FAM177A1: variants seen among roughly 807,000 people sequenced by gnomAD.
FAM177A1 encodes family with sequence similarity 177 member A1.
Under a neutral mutation model 26.1 loss-of-function variants are expected in FAM177A1, and 22 were observed. The ratio of observed to expected loss-of-function variants is 0.84; its 90% CI spans 0.60 to 1.20. The LOEUF (loss-of-function observed/expected upper bound fraction) is 1.20. Ranked by LOEUF, FAM177A1 falls within the 50% of genes most tolerant of loss-of-function variation. The probability of loss-of-function intolerance (pLI) is 0.00; values close to 1 mark genes in which losing one functional copy is unlikely to be tolerated. For missense variants in FAM177A1, 296 were observed against 291.1 expected (o/e 1.02, Z -0.12); for synonymous variants, 95 against 99.3 (o/e 0.96, Z 0.26).
At chr14:35,074,626 C>T (rs913993273) in intron 2 of FAM177A1, among the ~76,000 whole-genome samples, 1 of 151,942 alleles carries the variant, frequency 6.6e-6, no homozygotes, top group Non-Finnish European at 1.5e-5. Context: ...GCGCCCCGCC[C>T]CATCCACTCA....
intron 2 of FAM177A1, among the ~76,000 whole-genome samples, chr14:35,067,425 A>G (rs542086129): frequency 6.6e-6 from 1 of 152,308 alleles, no homozygotes; most frequent in East Asian, 1.9e-4. Context: ...TTATCCATTC[A>G]TCTGATATGG....
chr14:35,078,831 A>G (rs1042904546), intron 3 of FAM177A1, 96 bp from the exon 4 acceptor site: 3 of 752,732 alleles, frequency 4.0e-6, no homozygotes, highest in Admixed American at 7.2e-5. Flanking sequence ...GAGAGCAGGA[A>G]CAGTAACTCT....
intron 2 of FAM177A1, among the ~76,000 whole-genome samples, chr14:35,072,002 C>T (rs767227005): frequency 6.6e-6 from 1 of 151,882 alleles, no homozygotes; most frequent in Non-Finnish European, 1.5e-5. Context: ...GTTGGCTAGG[C>T]GTGGTGGCTC....
chr14:35,050,124 A>G (rs1566665871), intron 1 of FAM177A1: 2 of 152,110 alleles, frequency 1.3e-5, no homozygotes, highest in Non-Finnish European at 2.9e-5. Flanking sequence ...CTCCTGCCTC[A>G]GCCTCCTGTG....
At position 35,081,059 on chromosome 14, in the gene FAM177A1, A is replaced by G. The variant is rs757870533; in HGVS notation, c.542A>G (p.Glu181Gly). The G allele has an allele frequency of 6.2e-7, 1 of 1,612,350 alleles. No individual in the cohort carries two copies. Among genetic ancestry groups the G allele is most frequent in the Non-Finnish European group, 8.5e-7 (1 of 1,179,410 alleles). Residue 181 changes from glutamate (E) to glycine (G), a missense_variant, in exon 5 of 5, where the codon GAA becomes GGA. By Grantham distance (98) the Glu-to-Gly change is moderately conservative (BLOSUM62 -2). Coordinates refer to ENST00000280987, the MANE Select transcript of FAM177A1 (RefSeq NM_173607.5). ...GAAGAAGAAAACAGGATGTCTGAAG[A>G]AGCAGAAAAACAATATCAACAGAAT... ...EEEEENRMSE[E>G]AEKQYQQNKL...
intron 2 of FAM177A1, among the ~76,000 whole-genome samples, chr14:35,075,028 C>G (rs2045374238): frequency 6.6e-6 from 1 of 152,086 alleles, no homozygotes; most frequent in South Asian, 2.1e-4. Context: ...CAGAGTGAGA[C>G]TCTGTCTTAA....
intron 2 of FAM177A1, among the ~76,000 whole-genome samples, chr14:35,060,107 G>A (rs537297133): frequency 6.6e-6 from 1 of 152,218 alleles, no homozygotes; most frequent in East Asian, 1.9e-4. Context: ...TGGAGTAACT[G>A]GGCTTACTGG....
At chr14:35,060,647 G>A (rs1409163948) in intron 2 of FAM177A1, among the ~76,000 whole-genome samples, 1 of 152,066 alleles carries the variant, frequency 6.6e-6, no homozygotes, top group Non-Finnish European at 1.5e-5. Context: ...TGTTCTTTTA[G>A]TGAAGTCTAT....
intron 2 of FAM177A1, among the ~76,000 whole-genome samples, chr14:35,076,609 C>G (rs1484494873): frequency 6.6e-6 from 1 of 151,992 alleles, no homozygotes; most frequent in East Asian, 1.9e-4. Context: ...AAAAAAAAGA[C>G]TTAAAGAAAC....
chr14:35,062,843 GCAAATATAGCAAGTAGCA>G (rs1246246047), intron 2 of FAM177A1, among the ~76,000 whole-genome samples: 7 of 145,106 alleles, frequency 4.8e-5, no homozygotes, highest in Non-Finnish European at 1.1e-4. Context: ...AATTAATAAA[GCAAATATAGCAAGTAGCA>G]CAAGAAATTT....
At chr14:35,049,647 T>G (rs1004370762) in intron 1 of FAM177A1, among the ~76,000 whole-genome samples, 4 of 152,076 alleles carry the variant, frequency 2.6e-5, no homozygotes, top group African/African-American at 9.7e-5. Context: ...TAGCTGGGCA[T>G]TATGGCTCAC....
At chr14:35,060,681 A>C (rs1039199439) in intron 2 of FAM177A1, among the ~76,000 whole-genome samples, 2 of 152,192 alleles carry the variant, frequency 1.3e-5, no homozygotes, top group Non-Finnish European at 2.9e-5. Flanking sequence ...TCTTTCCTGC[A>C]AATTAGCTAG....
intron 2 of FAM177A1, among the ~76,000 whole-genome samples, chr14:35,061,320 C>T (rs527777611): frequency 5.9e-5 from 9 of 152,014 alleles, no homozygotes; most frequent in Admixed American, 1.3e-4. Context: ...ACCCCAGCCC[C>T]GCCCTTCTGC....
At chr14:35,079,556 A>G (rs1444012409) in intron 4 of FAM177A1, among the ~76,000 whole-genome samples, 2 of 152,158 alleles carry the variant, frequency 1.3e-5, no homozygotes, top group Non-Finnish European at 2.9e-5. Context: ...TCAAGAACCA[A>G]AGGGCTTGAA....
intron 2 of FAM177A1, among the ~76,000 whole-genome samples, chr14:35,055,457 T>TTTA (rs2045046854): frequency 6.6e-6 from 1 of 151,264 alleles, no homozygotes. Context: ...TTTTTTTTTT[T>TTTA]GAGACAGGGT....
rs1354734286 is a variant in FAM177A1, at chr14:35,081,340, AAAG to A, written c.*113_*115del. The A allele has an allele frequency of 5.7e-6, 6 of 1,047,224 alleles. No homozygotes were observed. The Admixed American group carries it at 2.1e-4, about 37-fold the overall frequency. 64.9% of individuals were successfully genotyped at this position (1,047,224 alleles called of 1,614,324 possible). A position where few individuals can be genotyped will look rare whatever the true frequency, so the allele number is the denominator to read the frequency against. On this transcript the variant is annotated 3_prime_UTR_variant, in exon 5 of 5. Transcript: ENST00000280987. ...ACAATTATTTATATTTTAAATTATT[AAAG>A]TATCTGGAAAGGGAAAATGTTTTCT...
At chr14:35,051,973 T>C (rs1595037071) in intron 1 of FAM177A1, among the ~76,000 whole-genome samples, 2 of 152,250 alleles carry the variant, frequency 1.3e-5, no homozygotes, top group East Asian at 3.8e-4. Context: ...GTTTAAATTA[T>C]GTTTGCTTAT....
At chr14:35,073,005 G>T (rs917637910) in intron 2 of FAM177A1, among the ~76,000 whole-genome samples, 4 of 152,100 alleles carry the variant, frequency 2.6e-5, no homozygotes, top group Non-Finnish European at 4.4e-5. Flanking sequence ...CTATAACAAT[G>T]GCATCTTCAG....
At chr14:35,053,113 T>C (rs1460504478) in intron 1 of FAM177A1, 165 bp from the exon 2 acceptor site, 3 of 612,020 alleles carry the variant, frequency 4.9e-6, no homozygotes, top group Non-Finnish European at 8.4e-6. Flanking sequence ...GTCTTGACAC[T>C]GTACTCCAGC....
Sources: gnomAD v4.1 joint callset for allele counts (sites outside exome capture counted in the v4.1 genomes callset) on GRCh38, gnomAD v4.1.1 for gene constraint, MANE v1.5 for transcripts, NCBI Gene and HGNC (gene_info 2026-07-23, HGNC 2026-07-21) for gene names.